TASP1: variants seen among roughly 807,000 people sequenced by gnomAD.
TASP1 encodes threonine aspartase 1.
TASP1 carries 16 observed loss-of-function variants against 56.6 expected under a neutral mutation model. The observed-to-expected ratio is 0.28, with a 90% CI of 0.19 to 0.43. TASP1 has a LOEUF of 0.43. Ranked by LOEUF, TASP1 falls within the 20% of genes least tolerant of loss-of-function variation. The pLI is 1.00. For synonymous variants in TASP1, 179 were observed against 184.2 expected, an observed-to-expected ratio of 0.97 and a Z score of 0.23; for missense variants, 393 against 511.6, an observed-to-expected ratio of 0.77 and a Z score of 2.24.
the TASP1 span, among the ~76,000 whole-genome samples, chr20:13,366,065 A>T: frequency 6.6e-6 from 1 of 152,212 alleles, no homozygotes; most frequent in African/African-American, 2.4e-5. Context: ...CATCAGCTGA[A>T]ATGATGAATT....
the TASP1 span, among the ~76,000 whole-genome samples, chr20:13,306,307 A>G: frequency 6.6e-6 from 1 of 152,208 alleles, no homozygotes. Context: ...CACAAAGGTC[A>G]TAGCTAAATC....
intron 12 of TASP1, among the ~76,000 whole-genome samples, chr20:13,418,924 A>C (rs1348005706): frequency 6.6e-6 from 1 of 152,242 alleles, no homozygotes; most frequent in Non-Finnish European, 1.5e-5. Context: ...AAAAATGCCA[A>C]AGTCAGAAAA....
the TASP1 span, among the ~76,000 whole-genome samples, chr20:13,131,809 C>T: frequency 6.6e-6 from 1 of 152,128 alleles, no homozygotes; most frequent in Admixed American, 6.5e-5. Context: ...GAAAAACTAA[C>T]TCATACCATG....
the TASP1 span, among the ~76,000 whole-genome samples, chr20:13,203,409 T>C: frequency 1.1e-4 from 16 of 152,148 alleles, no homozygotes; most frequent in Admixed American, 4.6e-4. Flanking sequence ...GACATGTACA[T>C]AGGTATCTAT....
the TASP1 span, among the ~76,000 whole-genome samples, chr20:13,337,880 A>G: frequency 6.6e-6 from 1 of 152,190 alleles, no homozygotes; most frequent in African/African-American, 2.4e-5. Flanking sequence ...TTTAGTACAC[A>G]TGGAACTTAC....
At chr20:13,406,072 T>A (rs1212215593) in intron 13 of TASP1, among the ~76,000 whole-genome samples, 1 of 152,194 alleles carries the variant, frequency 6.6e-6, no homozygotes, top group Non-Finnish European at 1.5e-5. Context: ...CTGCCTTGAT[T>A]ATAGTAGCTT....
the TASP1 span, chr20:13,117,633 T>C: frequency 6.1e-5 from 99 of 1,613,524 alleles, no homozygotes; most frequent in Middle Eastern, 3.3e-4. Flanking sequence ...TGTCACGGAG[T>C]TCTTTGGACT....
intron 10 of TASP1, among the ~76,000 whole-genome samples, chr20:13,509,803 T>G (rs1003005214): frequency 6.6e-6 from 1 of 152,066 alleles, no homozygotes; most frequent in Non-Finnish European, 1.5e-5. Context: ...ATTTTTGTAT[T>G]TTTTAGTAGA....
At chr20:13,328,463 C>T in the TASP1 span, among the ~76,000 whole-genome samples, 2 of 152,174 alleles carry the variant, frequency 1.3e-5, no homozygotes, top group South Asian at 2.1e-4. Context: ...TGGGTATATA[C>T]CCCCCAAAAT....
the TASP1 span, among the ~76,000 whole-genome samples, chr20:13,126,992 G>A: frequency 1.3e-5 from 2 of 152,240 alleles, no homozygotes; most frequent in South Asian, 2.1e-4. Context: ...GTTTGTGTGC[G>A]TGTGTGTGCG....
chr20:13,613,962 A>G (rs2048437246), intron 4 of TASP1, among the ~76,000 whole-genome samples: 1 of 152,094 alleles, frequency 6.6e-6, no homozygotes, highest in Non-Finnish European at 1.5e-5. Flanking sequence ...AACTGCTCCT[A>G]AACAACAAGG....
intron 11 of TASP1, among the ~76,000 whole-genome samples, chr20:13,472,837 A>G (rs1221452676): frequency 1.3e-5 from 2 of 151,290 alleles, no homozygotes; most frequent in African/African-American, 4.9e-5. Flanking sequence ...AGGAAACAAC[A>G]GTTGTTGGAG....
chr20:13,512,357 T>A (rs921915382), intron 10 of TASP1, among the ~76,000 whole-genome samples: 6 of 152,144 alleles, frequency 3.9e-5, no homozygotes, highest in Admixed American at 2.6e-4. Context: ...TGATAAGCAG[T>A]GATGATGAGC....
intron 2 of TASP1, among the ~76,000 whole-genome samples, chr20:13,628,207 A>G (rs2147571286): frequency 6.6e-6 from 1 of 152,300 alleles, no homozygotes; most frequent in Middle Eastern, 3.4e-3. Context: ...TGTGTCTAAG[A>G]CAGGAGGGAC....
chr20:13,147,688 T>A, the TASP1 span, among the ~76,000 whole-genome samples: 1 of 152,190 alleles, frequency 6.6e-6, no homozygotes, highest in East Asian at 1.9e-4. Context: ...GTGAGAAATG[T>A]TTTATGGAAT....
intron 13 of TASP1, among the ~76,000 whole-genome samples, chr20:13,410,504 T>C (rs150879707): frequency 6.6e-6 from 1 of 152,322 alleles, no homozygotes; most frequent in Non-Finnish European, 1.5e-5. Flanking sequence ...TATTTTGTCT[T>C]TTTAATAACT....
chr20:13,334,542 T>C, the TASP1 span, among the ~76,000 whole-genome samples: 2 of 152,196 alleles, frequency 1.3e-5, no homozygotes, highest in Non-Finnish European at 2.9e-5. Flanking sequence ...ATTCTGCTTC[T>C]AGTCTACTAA....
chr20:13,155,823 C>T, the TASP1 span, among the ~76,000 whole-genome samples: 5 of 152,082 alleles, frequency 3.3e-5, no homozygotes, highest in Non-Finnish European at 5.9e-5. Flanking sequence ...AAGACTCCGT[C>T]TAAAAAAATA....
chr20:13,310,334 CT>C, the TASP1 span, among the ~76,000 whole-genome samples: 68 of 152,234 alleles, frequency 4.5e-4, 1 homozygote, highest in African/African-American at 1.6e-3. Context: ...AAAGGGTGGT[CT>C]CTTCAATAAA....
Sources: allele counts gnomAD v4.1 joint callset (sites outside exome capture counted in the v4.1 genomes callset), GRCh38; gene constraint gnomAD v4.1.1; transcripts MANE v1.5; gene names NCBI Gene and HGNC (gene_info 2026-07-23, HGNC 2026-07-21).